ZNF827: variants seen among roughly 807,000 people sequenced by gnomAD.
The protein encoded by ZNF827 is zinc finger protein 827.
A neutral mutation model predicts 102.4 loss-of-function variants in ZNF827; 13 were observed. The observed-to-expected ratio is 0.13, with a 90% CI of 0.08 to 0.20. The LOEUF (loss-of-function observed/expected upper bound fraction) is 0.20. Ranked by LOEUF, ZNF827 falls within the 10% of genes least tolerant of loss-of-function variation. The probability of loss-of-function intolerance (pLI) is 1.00; values close to 1 mark genes in which losing one functional copy is unlikely to be tolerated. For missense variants in ZNF827, 1,103 were observed against 1,344.4 expected, an observed-to-expected ratio of 0.82 and a Z score of 2.81; for synonymous variants, 523 against 536.2, an observed-to-expected ratio of 0.98 and a Z score of 0.34.
chr4:145,866,026 C>T (rs1748151993), intron 5 of ZNF827, among the ~76,000 whole-genome samples: 1 of 152,146 alleles, frequency 6.6e-6, no homozygotes, highest in South Asian at 2.1e-4. Context: ...CAGAAGAAGT[C>T]CATCTGTCGG....
At chr4:145,909,253 C>T (rs778646596) in intron 1 of ZNF827, among the ~76,000 whole-genome samples, 2 of 152,154 alleles carry the variant, frequency 1.3e-5, no homozygotes, top group Non-Finnish European at 2.9e-5. Flanking sequence ...ATTCCCTGCT[C>T]ATAGTAGGGG....
intron 8 of ZNF827, among the ~76,000 whole-genome samples, chr4:145,815,690 A>G (rs1169675213): frequency 6.6e-6 from 1 of 152,254 alleles, no homozygotes; most frequent in Admixed American, 6.5e-5. Flanking sequence ...ATGGAAGAAC[A>G]TATTGTATAT....
intron 7 of ZNF827, among the ~76,000 whole-genome samples, chr4:145,844,757 G>C (rs2126633478): frequency 6.6e-6 from 1 of 151,982 alleles, no homozygotes; most frequent in East Asian, 1.9e-4. Context: ...AGGCAAGCTG[G>C]CTCTGTTTTA....
rs114994585 is a variant in ZNF827 at position 145,916,918 on chromosome 4, G to A, written c.44-13703C>T. Among the ~76,000 whole-genome samples, 281 of 152,262 alleles carry A rather than the reference G, an allele frequency of 1.8e-3. 1 individual carries two copies. Among genetic ancestry groups the A allele is most frequent in the African/African-American group, 6.2e-3 (258 of 41,546 alleles). ...CAAGTTCTTTGCCACATCATAACAA[G>A]GATGGCCTTTACTCCAGTTTCCAAT... On this transcript the variant is annotated intron_variant, in intron 1 of 14. Transcript: ENST00000508784.
At chr4:145,918,029 A>C (rs940183855) in intron 1 of ZNF827, among the ~76,000 whole-genome samples, 2 of 152,214 alleles carry the variant, frequency 1.3e-5, no homozygotes, top group South Asian at 4.1e-4. Context: ...AAGTTTGAAA[A>C]GCTTTTGATA....
chr4:145,761,178 C>G lies in ZNF827; in HGVS notation c.*438G>C, dbSNP rs1205933401. ...CTGGACACAGGCCCTTCTTGTCCTCCTCGGGGCAGTCCCCACTCTGGTGCT... is the reference window on the plus strand; with the variant it reads ...CTGGACACAGGCCCTTCTTGTCCTCGTCGGGGCAGTCCCCACTCTGGTGCT... On this transcript the variant is annotated 3_prime_UTR_variant, in exon 15 of 15. Transcript: ENST00000508784. This position sits in a 1 kb window ranked among gnomAD's most constrained non-coding sequence, Gnocchi z 6.8. The G allele has an allele frequency of 1.6e-6, 2 of 1,289,742 alleles. No homozygotes were observed. Among genetic ancestry groups the G allele is most frequent in the African/African-American group, 3.0e-5 (2 of 65,874 alleles). The allele number at this position is 1,289,742 out of a possible 1,614,324, so 79.9% of individuals were successfully genotyped here.
At chr4:145,817,316 G>T (rs1045500047) in intron 8 of ZNF827, among the ~76,000 whole-genome samples, 6 of 152,068 alleles carry the variant, frequency 3.9e-5, no homozygotes, top group Non-Finnish European at 8.8e-5. Context: ...TATAGTTTTG[G>T]CCCTAGAAAG....
At chr4:145,937,040 A>G (rs1256472925) in intron 1 of ZNF827, among the ~76,000 whole-genome samples, 1 of 151,956 alleles carries the variant, frequency 6.6e-6, no homozygotes, top group Non-Finnish European at 1.5e-5. Flanking sequence ...CCTGCATTCA[A>G]GGAGCCGGGC....
chr4:145,916,541 A>G (rs572838387), intron 1 of ZNF827, among the ~76,000 whole-genome samples: 35 of 152,144 alleles, frequency 2.3e-4, no homozygotes, highest in African/African-American at 7.7e-4. Context: ...TTTCCAAAGT[A>G]CCTTTGGGGT....
chr4:145,834,358 G>A (rs527822515), intron 7 of ZNF827, among the ~76,000 whole-genome samples: 1 of 151,880 alleles, frequency 6.6e-6, no homozygotes, highest in Non-Finnish European at 1.5e-5. Context: ...CCCAAGCGTC[G>A]CTGAGTCTTT....
chr4:145,864,976 A>G (rs767692786), intron 5 of ZNF827, among the ~76,000 whole-genome samples: 19 of 152,216 alleles, frequency 1.2e-4, no homozygotes, highest in Non-Finnish European at 2.4e-4. Context: ...CCAAGGGAAA[A>G]TACCAAATAA....
intron 5 of ZNF827, among the ~76,000 whole-genome samples, chr4:145,858,134 AGTGTGTGTGT>A (rs10553157): frequency 0.25 from 36,293 of 146,908 alleles, 4,357 homozygotes; most frequent in African/African-American, 0.27. Context: ...TGCATGTGTG[AGTGTGTGTGT>A]GTGTGTGTGT....
chr4:145,917,487 C>G (rs991076452), intron 1 of ZNF827, among the ~76,000 whole-genome samples: 1 of 151,964 alleles, frequency 6.6e-6, no homozygotes, highest in Non-Finnish European at 1.5e-5. Flanking sequence ...ATTAACCCAG[C>G]TATGAAGCCA....
At position 145,765,922 on chromosome 4, in the gene ZNF827, G is replaced by A. The variant is rs1735218387; in HGVS notation, c.2861-184C>T. Among the ~76,000 whole-genome samples, 2 of 152,142 alleles carry A rather than the reference G, an allele frequency of 1.3e-5. No individual in the cohort carries two copies. Among genetic ancestry groups the A allele is most frequent in the South Asian group, 4.1e-4 (2 of 4,832 alleles). Reference sequence around the variant, plus strand: ...AGGCACCTACCTCCTTTGTGGTACTGGGGGCCAAGAGCAGGCATTCATTAA... The same window carrying A: ...AGGCACCTACCTCCTTTGTGGTACTAGGGGCCAAGAGCAGGCATTCATTAA... On this transcript the variant is annotated intron_variant, in intron 11 of 14. Coordinates refer to ENST00000508784, the MANE Select transcript of ZNF827 (RefSeq NM_001306215.2). The surrounding 1 kb of genome is among the most constrained non-coding windows in gnomAD (Gnocchi z 4.7).
At chr4:145,821,283 T>C (rs140302149) in intron 8 of ZNF827, among the ~76,000 whole-genome samples, 14 of 152,310 alleles carry the variant, frequency 9.2e-5, no homozygotes, top group African/African-American at 3.1e-4. Flanking sequence ...GAATTGTGAT[T>C]AAGAGATTGA....
intron 8 of ZNF827, among the ~76,000 whole-genome samples, 195 bp downstream of exon 8, chr4:145,823,227 A>T (rs1266866210): frequency 1.3e-5 from 2 of 152,260 alleles, no homozygotes; most frequent in African/African-American, 2.4e-5. Context: ...AGCAAAGATG[A>T]AGAGGCTTAT....
chr4:145,919,910 G>T (rs547445515), intron 1 of ZNF827, among the ~76,000 whole-genome samples: 1 of 152,280 alleles, frequency 6.6e-6, no homozygotes, highest in African/African-American at 2.4e-5. Flanking sequence ...GAAACAGCAT[G>T]GCAAAATAGA....
chr4:145,851,538 A>T (rs1167746671), intron 5 of ZNF827, among the ~76,000 whole-genome samples: 4 of 152,234 alleles, frequency 2.6e-5, no homozygotes, highest in African/African-American at 9.6e-5. Context: ...TTTAACCTAA[A>T]TGATTAAAAT....
intron 5 of ZNF827, among the ~76,000 whole-genome samples, chr4:145,850,411 C>T (rs932831858): frequency 2.0e-5 from 3 of 152,202 alleles, no homozygotes; most frequent in Admixed American, 6.5e-5. Flanking sequence ...GACATTTGCA[C>T]CTTGCTGGAG....
Sources: allele counts gnomAD v4.1 joint callset (sites outside exome capture counted in the v4.1 genomes callset), GRCh38; gene constraint gnomAD v4.1.1; non-coding constraint Gnocchi (gnomAD v3.1); transcripts MANE v1.5; gene names NCBI Gene and HGNC (gene_info 2026-07-23, HGNC 2026-07-21).